Variants in CELF2 observed in about 807,000 individuals in gnomAD.
CELF2 encodes CUGBP Elav-like family member 2, also known as CUG triplet repeat RNA-binding protein 2.
Under a neutral mutation model 62.6 loss-of-function variants are expected in CELF2, and 8 were observed. The observed-to-expected ratio is 0.13, with a 90% CI of 0.07 to 0.23. The LOEUF (loss-of-function observed/expected upper bound fraction) is 0.23. CELF2 is among the 10% of genes least tolerant of loss of function. CELF2 has a pLI of 1.00. For missense variants in CELF2, 333 were observed against 671.0 expected (o/e 0.50, Z 5.56); for synonymous variants, 258 against 250.0 (o/e 1.03, Z -0.30).
At position 11,330,365 on chromosome 10, in the gene CELF2, C is replaced by CATTAGTTTT. The variant is rs2095981946; in HGVS notation, c.*1313_*1321dup. On this transcript the variant is annotated 3_prime_UTR_variant, in exon 13 of 13. Coordinates refer to ENST00000633077, the MANE Select transcript of CELF2 (RefSeq NM_001326342.2). This position sits in a 1 kb window ranked among gnomAD's most constrained non-coding sequence, Gnocchi z 4.5. Reference sequence around the variant, plus strand: ...AGACTCCCTAATGACCTAAGATTTGCATTAGTTTTTCTCCTGCACCCTTAA... The same window carrying CATTAGTTTT: ...AGACTCCCTAATGACCTAAGATTTGCATTAGTTTTATTAGTTTTTCTCCTGCACCCTTAA... The CATTAGTTTT allele has an allele frequency of 6.6e-6, 1 of 152,594 alleles. No homozygotes were observed. Among genetic ancestry groups the CATTAGTTTT allele is most frequent in the African/African-American group, 2.4e-5 (1 of 41,438 alleles). The allele number at this position is 152,594 out of a possible 1,614,324, so 9.5% of individuals were successfully genotyped here.
At chr10:10,605,942 T>C in the CELF2 span, among the ~76,000 whole-genome samples, 2 of 152,232 alleles carry the variant, frequency 1.3e-5, no homozygotes, top group Non-Finnish European at 2.9e-5. Context: ...ATCATGTGCC[T>C]GTAATGTATG....
At chr10:11,148,687 C>G (rs939029159) in intron 1 of CELF2, among the ~76,000 whole-genome samples, 1 of 152,134 alleles carries the variant, frequency 6.6e-6, no homozygotes, top group Non-Finnish European at 1.5e-5. Flanking sequence ...ATAATGTATG[C>G]TTTCATACAT....
At chr10:10,748,370 TAAATA>T in the CELF2 span, among the ~76,000 whole-genome samples, 2 of 152,218 alleles carry the variant, frequency 1.3e-5, no homozygotes, top group Non-Finnish European at 2.9e-5. Flanking sequence ...TATTTGTCTC[TAAATA>T]AAATTAAATT....
At chr10:10,507,629 T>C in the CELF2 span, among the ~76,000 whole-genome samples, 4 of 152,100 alleles carry the variant, frequency 2.6e-5, no homozygotes, top group Admixed American at 2.0e-4. Context: ...TCCTCAAACA[T>C]GCATGGAAAA....
intron 1 of CELF2, among the ~76,000 whole-genome samples, chr10:10,830,108 G>A (rs1189494652): frequency 1.8e-4 from 28 of 152,150 alleles, no homozygotes; most frequent in Non-Finnish European, 5.9e-5. Context: ...GGGTCAAGAG[G>A]CAGCAATTTC....
At chr10:10,641,400 T>C in the CELF2 span, among the ~76,000 whole-genome samples, 1 of 152,194 alleles carries the variant, frequency 6.6e-6, no homozygotes, top group Non-Finnish European at 1.5e-5. Flanking sequence ...GTATTGTTTT[T>C]CTTCCCCTTA....
the CELF2 span, among the ~76,000 whole-genome samples, chr10:10,712,147 C>CTAAAAAAAA: frequency 2.3e-5 from 1 of 43,422 alleles, no homozygotes; most frequent in African/African-American, 7.3e-5. Context: ...AGGATAGAGA[C>CTAAAAAAAA]AAAAAAAAAA....
At chr10:11,015,350 A>G (rs2057100382), upstream of CELF2, among the ~76,000 whole-genome samples, 1 of 152,194 alleles carries the variant, frequency 6.6e-6, no homozygotes, top group Non-Finnish European at 1.5e-5. The surrounding 1 kb of genome is among the most constrained non-coding windows in gnomAD (Gnocchi z 4.8). Context: ...TGCTGTGATC[A>G]TGGAAACCGA....
intron 1 of CELF2, among the ~76,000 whole-genome samples, chr10:11,094,058 G>A (rs1218876806): frequency 3.3e-5 from 5 of 152,150 alleles, no homozygotes; most frequent in African/African-American, 1.2e-4. Flanking sequence ...ATGTCCACAT[G>A]GTACTGGAAG....
At chr10:11,105,702 C>T (rs1027988725) in intron 1 of CELF2, among the ~76,000 whole-genome samples, 3 of 152,226 alleles carry the variant, frequency 2.0e-5, no homozygotes, top group Non-Finnish European at 2.9e-5. Flanking sequence ...GGTCATTCTG[C>T]AGCTGTGTGC....
At chr10:10,996,241 T>C (rs2053934898) in intron 2 of CELF2, among the ~76,000 whole-genome samples, 1 of 152,246 alleles carries the variant, frequency 6.6e-6, no homozygotes, top group Non-Finnish European at 1.5e-5. Context: ...TTTGCTTGTC[T>C]GTTCAGAAAG....
chr10:11,148,369 G>A (rs2062665461), intron 1 of CELF2, among the ~76,000 whole-genome samples: 1 of 152,224 alleles, frequency 6.6e-6, no homozygotes, highest in South Asian at 2.1e-4. Flanking sequence ...TTTGCTGACT[G>A]GTCTGGAATA....
intron 2 of CELF2, among the ~76,000 whole-genome samples, chr10:10,930,946 A>T (rs1436757359): frequency 4.6e-5 from 7 of 152,188 alleles, no homozygotes; most frequent in African/African-American, 1.7e-4. Context: ...AAAACAAAAC[A>T]GGTTGGAGAG....
At chr10:10,688,102 G>C in the CELF2 span, among the ~76,000 whole-genome samples, 2 of 152,148 alleles carry the variant, frequency 1.3e-5, no homozygotes, top group Non-Finnish European at 2.9e-5. Flanking sequence ...AATCTGTTTT[G>C]TTATAGTCAG....
At chr10:10,690,509 G>A in the CELF2 span, among the ~76,000 whole-genome samples, 26 of 152,214 alleles carry the variant, frequency 1.7e-4, no homozygotes, top group South Asian at 8.3e-4. Flanking sequence ...ATGCCTACCC[G>A]CTCCCATCAA....
chr10:11,074,947 C>A (rs529338311), intron 1 of CELF2: 2 of 152,352 alleles, frequency 1.3e-5, no homozygotes, highest in South Asian at 4.1e-4. Flanking sequence ...CAACCACTTA[C>A]TGGAATTTGG....
intron 2 of CELF2, among the ~76,000 whole-genome samples, chr10:11,183,538 G>A (rs2074053257): frequency 1.3e-5 from 2 of 152,194 alleles, no homozygotes; most frequent in South Asian, 4.1e-4. Flanking sequence ...TAAAGGGATT[G>A]TACCATTTTA....
the CELF2 span, among the ~76,000 whole-genome samples, chr10:10,654,034 A>C: frequency 6.6e-6 from 1 of 150,890 alleles, no homozygotes; most frequent in South Asian, 2.2e-4. Context: ...GATAAAGGGG[A>C]TATCACCACT....
At chr10:11,176,027 C>T (rs1032445308) in intron 2 of CELF2, among the ~76,000 whole-genome samples, 1 of 152,190 alleles carries the variant, frequency 6.6e-6, no homozygotes, top group Non-Finnish European at 1.5e-5. Flanking sequence ...CGTGTGTTTT[C>T]TGTTTAGCAG....
Sources: gnomAD v4.1 joint callset for allele counts (sites outside exome capture counted in the v4.1 genomes callset) on GRCh38, gnomAD v4.1.1 for gene constraint, Gnocchi (gnomAD v3.1) non-coding constraint, MANE v1.5 for transcripts, NCBI Gene and HGNC (gene_info 2026-07-23, HGNC 2026-07-21) for gene names.